RAB3C: variants seen among roughly 807,000 people sequenced by gnomAD.
The protein encoded by RAB3C is RAB3C, member RAS oncogene family.
Under a neutral mutation model 26.4 loss-of-function variants are expected in RAB3C, and 17 were observed. The ratio of observed to expected loss-of-function variants is 0.64; its 90% confidence interval spans 0.44 to 0.97. RAB3C has a LOEUF of 0.97. Among genes scored for constraint, RAB3C ranks in the 50% least tolerant of loss-of-function variants. The pLI is 0.00. For synonymous variants in RAB3C, 91 were observed against 95.9 expected (o/e 0.95, Z 0.30); for missense variants, 242 against 281.9 (o/e 0.86, Z 1.01).
At chr5:58,796,221 C>A (rs1742645498) in intron 3 of RAB3C, among the ~76,000 whole-genome samples, 1 of 152,142 alleles carries the variant, frequency 6.6e-6, no homozygotes, top group Non-Finnish European at 1.5e-5. Context: ...ATCTCCTCAC[C>A]TATGAAATTA....
chr5:58,594,903 A>AT (rs1489210440), intron 1 of RAB3C, among the ~76,000 whole-genome samples: 1 of 128,144 alleles, frequency 7.8e-6, no homozygotes, highest in Non-Finnish European at 1.7e-5. Context: ...CTTACTAGAT[A>AT]TTTTTAGGAG....
intron 2 of RAB3C, among the ~76,000 whole-genome samples, chr5:58,682,696 G>GAAAAAAAAAAAA (rs548127913): frequency 1.4e-5 from 1 of 73,896 alleles, no homozygotes; most frequent in Non-Finnish European, 3.3e-5. Context: ...AAAGAAAAAA[G>GAAAAAAAAAAAA]AAAAAAAAAA....
chr5:58,593,767 T>C (rs1746186404), intron 1 of RAB3C, among the ~76,000 whole-genome samples: 1 of 152,186 alleles, frequency 6.6e-6, no homozygotes, highest in Non-Finnish European at 1.5e-5. Flanking sequence ...TAATGAAGTA[T>C]TTTTGCATTC....
At chr5:58,798,306 GA>G (rs1272072110) in intron 3 of RAB3C, among the ~76,000 whole-genome samples, 5 of 151,804 alleles carry the variant, frequency 3.3e-5, no homozygotes, top group Admixed American at 2.0e-4. Flanking sequence ...ATTACAAAGG[GA>G]AAAAAAGATA....
At chr5:58,620,676 A>G (rs189511455) in intron 2 of RAB3C, among the ~76,000 whole-genome samples, 5 of 152,328 alleles carry the variant, frequency 3.3e-5, no homozygotes, top group African/African-American at 9.6e-5. Context: ...AATAAGTGAA[A>G]TAACTTGTTC....
At chr5:58,716,853 G>A (rs1222342112) in intron 2 of RAB3C, among the ~76,000 whole-genome samples, 2 of 150,686 alleles carry the variant, frequency 1.3e-5, no homozygotes, top group Non-Finnish European at 2.9e-5. Context: ...TTTTAGGGCA[G>A]TGAAACTACT....
At chr5:58,713,417 A>G (rs139569358) in intron 2 of RAB3C, among the ~76,000 whole-genome samples, 566 of 152,358 alleles carry the variant, frequency 3.7e-3, no homozygotes, top group Non-Finnish European at 5.9e-3. Context: ...CAAACAGGCC[A>G]CTTCTGTGAG....
At chr5:58,582,849 G>A (rs544906527), upstream of RAB3C, among the ~76,000 whole-genome samples, 1 of 152,382 alleles carries the variant, frequency 6.6e-6, no homozygotes, top group South Asian at 2.1e-4. Flanking sequence ...AAGAGCAGGG[G>A]AGACTGGGAG....
At chr5:58,620,918 C>A (rs940316476) in intron 2 of RAB3C, among the ~76,000 whole-genome samples, 1 of 151,548 alleles carries the variant, frequency 6.6e-6, no homozygotes, top group Non-Finnish European at 1.5e-5. Context: ...TATAGGCATT[C>A]CTATGATAAT....
chr5:58,616,990 C>T (rs1234696746), intron 1 of RAB3C, among the ~76,000 whole-genome samples: 1 of 151,976 alleles, frequency 6.6e-6, no homozygotes, highest in East Asian at 1.9e-4. Context: ...TATCTCTGGG[C>T]CTCAATTTTC....
At chr5:58,672,357 A>G (rs1748137166) in intron 2 of RAB3C, among the ~76,000 whole-genome samples, 1 of 152,084 alleles carries the variant, frequency 6.6e-6, no homozygotes, top group Non-Finnish European at 1.5e-5. Context: ...GGGGTCATGG[A>G]CCTCTAATGC....
At chr5:58,708,760 A>T (rs571467678) in intron 2 of RAB3C, among the ~76,000 whole-genome samples, 1 of 152,350 alleles carries the variant, frequency 6.6e-6, no homozygotes, top group Admixed American at 6.5e-5. Context: ...TAAATGTGGG[A>T]AAAATGCTTT....
intron 2 of RAB3C, among the ~76,000 whole-genome samples, chr5:58,714,557 A>G (rs978642525): frequency 6.6e-6 from 1 of 152,142 alleles, no homozygotes; most frequent in Non-Finnish European, 1.5e-5. Context: ...AAATACAAAT[A>G]AATAATGTCT....
intron 2 of RAB3C, among the ~76,000 whole-genome samples, chr5:58,696,313 G>T (rs1748697843): frequency 6.6e-6 from 1 of 152,184 alleles, no homozygotes; most frequent in African/African-American, 2.4e-5. Context: ...TGTGCTGCTG[G>T]ATTCGGTTTG....
At chr5:58,810,385 C>CTGTG (rs70973156) in intron 3 of RAB3C, among the ~76,000 whole-genome samples, 6,698 of 146,884 alleles carry the variant, frequency 0.046, 228 homozygotes, top group Non-Finnish European at 0.064. Context: ...CTCTCTCTCT[C>CTGTG]TGTGTGTGTG....
chr5:58,791,695 A>G, intron 3 of RAB3C, among the ~76,000 whole-genome samples: 1 of 152,246 alleles, frequency 6.6e-6, no homozygotes, highest in Non-Finnish European at 1.5e-5. Context: ...TTTGTTTATA[A>G]TAAAAGAGAC....
At chr5:58,750,378 T>C (rs1239288300) in intron 3 of RAB3C, among the ~76,000 whole-genome samples, 1 of 152,244 alleles carries the variant, frequency 6.6e-6, no homozygotes, top group African/African-American at 2.4e-5. Flanking sequence ...TTTTTCTTCT[T>C]AATTCTCTTT....
intron 3 of RAB3C, among the ~76,000 whole-genome samples, chr5:58,726,777 A>G (rs935721338): frequency 9.2e-5 from 14 of 151,986 alleles, no homozygotes; most frequent in African/African-American, 3.1e-4. Flanking sequence ...ACTATCTGAA[A>G]ATACTTCTGA....
intron 4 of RAB3C, chr5:58,846,953 TG>T (rs776415368): frequency 2.0e-5 from 3 of 152,076 alleles, no homozygotes; most frequent in Non-Finnish European, 2.9e-5. Flanking sequence ...CCGCTGTACC[TG>T]TAGTGGTTTT....
Sources: allele counts gnomAD v4.1 joint callset (sites outside exome capture counted in the v4.1 genomes callset), GRCh38; gene constraint gnomAD v4.1.1; transcripts MANE v1.5; gene names NCBI Gene and HGNC (gene_info 2026-07-23, HGNC 2026-07-21).